Variants in ABCA3 observed in about 807,000 individuals in gnomAD.
ABCA3 encodes ATP binding cassette subfamily A member 3.
ABCA3 carries 88 observed loss-of-function variants against 172.8 expected under a neutral mutation model. The ratio of observed to expected loss-of-function variants is 0.51; its 90% CI spans 0.43 to 0.61. The LOEUF is 0.61. ABCA3 is among the 20% of genes least tolerant of loss of function. The probability of loss-of-function intolerance (pLI) is 0.00; values close to 1 mark genes in which losing one functional copy is unlikely to be tolerated. For missense variants in ABCA3, 2,164 were observed against 2,301.0 expected (o/e 0.94, Z 1.22); for synonymous variants, 1,066 against 983.8 (o/e 1.08, Z -1.56).
Position 2,285,627 on chromosome 16 carries a change from T to A in ABCA3, c.3298A>T (p.Ile1100Phe), listed in dbSNP as rs1188652578. 1.3e-6 allele frequency: 2 copies of A among 1,553,482 alleles called. No individual in the cohort carries two copies. The highest frequency in any genetic ancestry group is 1.7e-6 in the Non-Finnish European group (2 of 1,148,084). Reference protein sequence around the residue: ...QFNEGRKGFDIALNLLFAMAF... With the variant: ...QFNEGRKGFDFALNLLFAMAF... ...ATGGCGAAGAGCAGGTTGAGGGCAA[T>A]GTCGAATCCCTTCCGGCCCCTGCGG... is the stretch of plus-strand genomic sequence containing the variant. The change falls in exon 23 of 33, where the codon ATT becomes TTT. Residue 1100 changes from isoleucine to phenylalanine, a missense_variant. This residue lies in a region of ABCA3 where 795 missense variants were observed against 881.9 expected (regional missense o/e 0.90). Coordinates refer to ENST00000301732, the MANE Select transcript of ABCA3 (RefSeq NM_001089.3). This position sits in a 1 kb window ranked among gnomAD's most constrained non-coding sequence, Gnocchi z 4.7.
chr16:2,285,295 C>T lies in ABCA3; in HGVS notation c.3483+147G>A. On this transcript the variant is annotated intron_variant, in intron 23 of 32. Transcript: ENST00000301732. This position sits in a 1 kb window ranked among gnomAD's most constrained non-coding sequence, Gnocchi z 4.7. ...GTGCAGGGAGGAGGCGAGGGGGCAG[C>T]CGCCAGGGGATTCCAGCTGTCCTCC... 1 of 1,029,244 alleles carries T rather than the reference C, an allele frequency of 9.7e-7. No individual in the cohort carries two copies. Among genetic ancestry groups the T allele is most frequent in the Admixed American group, 2.0e-5 (1 of 50,212 alleles). The allele number at this position is 1,029,244 out of a possible 1,614,324, so 63.8% of individuals were successfully genotyped here.
chr16:2,301,970 C>T (rs1226112008), intron 12 of ABCA3, among the ~76,000 whole-genome samples: 3 of 152,250 alleles, frequency 2.0e-5, no homozygotes, highest in Non-Finnish European at 2.9e-5. Context: ...CTGGCCCGCC[C>T]AGGGCGGAAA....
chr16:2,320,152 G>T (rs968304013), intron 7 of ABCA3, among the ~76,000 whole-genome samples: 1 of 151,728 alleles, frequency 6.6e-6, no homozygotes, highest in African/African-American at 2.4e-5. Context: ...AGGCTGGAGT[G>T]CAGTGGCGCG....
rs1192154617 is a variant in ABCA3, at chr16:2,297,509, T to C, written c.2083A>G (p.Met695Val). The C allele has an allele frequency of 1.2e-6, 2 of 1,613,052 alleles. No individual in the cohort carries two copies. Among genetic ancestry groups the C allele is most frequent in the South Asian group, 1.1e-5 (1 of 91,052 alleles). ...VLILDEPTSG[M>V]DAISRRAIWD... ...ATGGCCCTCCTGGAGATGGCGTCCA[T>C]GCCCGAGGTGGGCTCGTCCAGTATC... Residue 695 changes from methionine (M) to valine (V), a missense_variant, in exon 17 of 33, where the codon ATG becomes GTG. Met to Val is a conservative substitution (Grantham distance 21). Transcript: ENST00000301732. The surrounding 1 kb of genome is among the most constrained non-coding windows in gnomAD (Gnocchi z 5.6).
intron 19 of ABCA3, among the ~76,000 whole-genome samples, chr16:2,291,261 G>A (rs988561634): frequency 2.6e-5 from 4 of 152,130 alleles, no homozygotes; most frequent in African/African-American, 9.7e-5. Context: ...GGGAGGCAGA[G>A]GTTGCAGTGA....
chr16:2,331,291 A>C (rs2093742795), intron 1 of ABCA3, among the ~76,000 whole-genome samples: 1 of 150,034 alleles, frequency 6.7e-6, no homozygotes, highest in African/African-American at 2.5e-5. Context: ...AACAACCTCC[A>C]CCTCCCAGGT....
In ABCA3 at chr16:2,287,897, C is replaced by T. The variant is rs1257255228; in HGVS notation, c.3004+129G>A. The T allele has an allele frequency of 9.3e-6, 11 of 1,181,726 alleles. 1 individual carries two copies. In the Admixed American group the frequency reaches 1.4e-4, roughly 15 times the overall value. 73.2% of individuals were successfully genotyped at this position (1,181,726 alleles called of 1,614,324 possible). The stretch of plus-strand genomic sequence containing the variant: ...CAAGGTCAGGGATGCTGCTGAACCT[C>T]CCTCAGTACATTCGGAACAGCCAAG... On this transcript the variant is annotated intron_variant, in intron 21 of 32. Coordinates refer to ENST00000301732, the MANE Select transcript of ABCA3 (RefSeq NM_001089.3). The surrounding 1 kb of genome is among the most constrained non-coding windows in gnomAD (Gnocchi z 4.1).
chr16:2,286,639 G>A lies in ABCA3; in HGVS notation c.3278+55C>T. The A allele has an allele frequency of 6.2e-7, 1 of 1,605,972 alleles. No homozygotes were observed. Among genetic ancestry groups the A allele is most frequent in the Non-Finnish European group, 8.5e-7 (1 of 1,175,992 alleles). ...CTATGGGCCCGTGGCAGTGCCCAGG[G>A]CAGTCAGTCCTGGGGGCTCTGGCCA... On this transcript the variant is annotated intron_variant, in intron 22 of 32. Transcript: ENST00000301732. This position sits in a 1 kb window ranked among gnomAD's most constrained non-coding sequence, Gnocchi z 5.2.
At chr16:2,311,551 C>G (rs2141722900) in intron 10 of ABCA3, among the ~76,000 whole-genome samples, 1 of 152,068 alleles carries the variant, frequency 6.6e-6, no homozygotes, top group East Asian at 1.9e-4. Flanking sequence ...GAGAGAGAGT[C>G]TCGCTCTGTC....
At chr16:2,336,550 C>A (rs940876044) in intron 1 of ABCA3, among the ~76,000 whole-genome samples, 1 of 151,560 alleles carries the variant, frequency 6.6e-6, no homozygotes, top group African/African-American at 2.4e-5. Context: ...CCTGCCTCCG[C>A]CTCCTGAGTA....
Position 2,283,434 on chromosome 16 carries a change from C to A in ABCA3, c.3863-76G>T. The A allele has an allele frequency of 6.5e-7, 1 of 1,542,934 alleles. No homozygotes were observed. Among genetic ancestry groups the A allele is most frequent in the Non-Finnish European group, 8.8e-7 (1 of 1,130,750 alleles). ...CCTTCCAGGTTCCCGGCCCCCACTC[C>A]CCTCCCCAGGCTGCTCAAGGCGCCT... On this transcript the variant is annotated intron_variant, in intron 25 of 32. Coordinates refer to ENST00000301732, the MANE Select transcript of ABCA3 (RefSeq NM_001089.3). This position sits in a 1 kb window ranked among gnomAD's most constrained non-coding sequence, Gnocchi z 5.4.
At chr16:2,317,979 A>G (rs1392319105) in intron 8 of ABCA3, among the ~76,000 whole-genome samples, 1 of 152,220 alleles carries the variant, frequency 6.6e-6, no homozygotes, top group East Asian at 1.9e-4. Context: ...TATAGGCATA[A>G]GCCACTGCAC....
At chr16:2,306,109 T>C (rs2093697203) in intron 11 of ABCA3, among the ~76,000 whole-genome samples, 1 of 152,080 alleles carries the variant, frequency 6.6e-6, no homozygotes, top group African/African-American at 2.4e-5. Context: ...CCCAGCACTT[T>C]GGGAGGCTGA....
intron 1 of ABCA3, among the ~76,000 whole-genome samples, chr16:2,334,126 G>A (rs906166248): frequency 1.4e-4 from 22 of 152,160 alleles, no homozygotes; most frequent in African/African-American, 3.9e-4. Flanking sequence ...GTGAGACAGC[G>A]AGCAAGACAG....
intron 12 of ABCA3, among the ~76,000 whole-genome samples, chr16:2,301,185 G>C (rs933676900): frequency 9.9e-5 from 15 of 150,842 alleles, no homozygotes; most frequent in Middle Eastern, 3.2e-3. Flanking sequence ...GAGCCGAGAT[G>C]GCACCACTGT....
Position 2,319,784 on chromosome 16 carries a change from C to A in ABCA3, c.670G>T (p.Glu224Ter), listed in dbSNP as rs1037985620. Residue 224 changes from glutamate (E) to a stop codon, truncating the protein, a stop_gained, in exon 8 of 33, where the codon GAG becomes TAG. Coordinates refer to ENST00000301732, the MANE Select transcript of ABCA3 (RefSeq NM_001089.3). LOFTEE classifies it high-confidence loss of function. ...VQHAVDRAIM[E>*]YHADAATRQL... ...CGTGTGGCGGCATCGGCATGGTACTCCATGATGGCCCGGTCCACAGCATGC... is the reference window on the plus strand; with the variant it reads ...CGTGTGGCGGCATCGGCATGGTACTACATGATGGCCCGGTCCACAGCATGC... 7 of 1,614,034 alleles carry A rather than the reference C, an allele frequency of 4.3e-6. No homozygotes were observed. Among genetic ancestry groups the A allele is most frequent in the Non-Finnish European group, 5.9e-6 (7 of 1,180,012 alleles).
rs925081476 is a variant in ABCA3 at position 2,279,764 on chromosome 16, CAG to C, written c.4360-636_4360-635del. On this transcript the variant is annotated intron_variant, in intron 28 of 32. Coordinates refer to ENST00000301732, the MANE Select transcript of ABCA3 (RefSeq NM_001089.3). The surrounding 1 kb of genome is among the most constrained non-coding windows in gnomAD (Gnocchi z 4.4). ...AGAATTTTTTTTTTTTTTTTTGAGA[CAG>C]AGTCTTACTCTGTCTCCCTTACACT... is the stretch of plus-strand genomic sequence containing the variant. 3.4e-5 allele frequency among the ~76,000 whole-genome samples: 5 copies of C among 145,030 alleles called. No homozygotes were observed. The highest frequency in any genetic ancestry group is 1.0e-4 in the African/African-American group (4 of 38,824).
At chr16:2,306,754 G>T (rs942556218) in intron 11 of ABCA3, among the ~76,000 whole-genome samples, 7 of 152,210 alleles carry the variant, frequency 4.6e-5, no homozygotes, top group Non-Finnish European at 1.0e-4. Flanking sequence ...GGCGGCTCAC[G>T]CCTGTAATCC....
chr16:2,339,837 C>G (rs1009295161), intron 1 of ABCA3, among the ~76,000 whole-genome samples: 1 of 152,404 alleles, frequency 6.6e-6, no homozygotes, highest in East Asian at 1.9e-4. Context: ...TAAGGCCGTC[C>G]CGGCCCTTCT....
Sources: allele counts gnomAD v4.1 joint callset (sites outside exome capture counted in the v4.1 genomes callset), GRCh38; gene constraint gnomAD v4.1.1; regional missense constraint gnomAD v4.1.1; non-coding constraint Gnocchi (gnomAD v3.1); transcripts MANE v1.5; gene names NCBI Gene and HGNC (gene_info 2026-07-23, HGNC 2026-07-21).